Variants in RTL9 observed in about 807,000 individuals in gnomAD.
RTL9 encodes the protein retrotransposon Gag-like protein 9.
RTL9 carries 19 observed loss-of-function variants against 44.7 expected under a neutral mutation model. That is an observed-to-expected ratio of 0.42 (90% CI 0.30 to 0.62). RTL9 has a LOEUF of 0.62. Ranked by LOEUF, RTL9 falls within the 20% of genes least tolerant of loss-of-function variation. RTL9 has a pLI of 0.16. For missense variants in RTL9, 1,105 were observed against 1,080.6 expected (o/e 1.02, Z -0.32); for synonymous variants, 407 against 398.9 (o/e 1.02, Z -0.24).
chrX:110,450,981 G>C lies in RTL9; in HGVS notation c.364G>C (p.Asp122His), dbSNP rs980336219. The change falls in exon 1 of 2, where the codon GAT (aspartate) becomes CAT (histidine). Residue 122 changes from aspartate to histidine, a missense_variant. Coordinates refer to ENST00000540313, the Ensembl canonical transcript of RTL9. The stretch of plus-strand genomic sequence containing the variant: ...GTCCCCATTGCTAATGCCAGCCTTA[G>C]ATTCTGGAACATTGTCCCCATTGCT... The C allele has an allele frequency of 2.5e-6, 3 of 1,210,545 alleles. No homozygotes were observed. The East Asian group carries it at 8.9e-5, about 36-fold the overall frequency.
At chrX:110,362,095 T>C (rs140844215) in intron 1 of RTL9, among the ~76,000 whole-genome samples, 2,514 of 111,939 alleles carry the variant, frequency 0.022, 35 homozygotes, top group South Asian at 0.032. Flanking sequence ...TGATTTATTT[T>C]ACTGAATGAA....
intron 1 of RTL9, among the ~76,000 whole-genome samples, chrX:110,362,940 G>T (rs936072352): frequency 8.9e-6 from 1 of 111,743 alleles, no homozygotes; most frequent in Non-Finnish European, 1.9e-5. Flanking sequence ...ATAGATGAAG[G>T]AACTGAAGTA....
At chrX:110,370,230 C>CA (rs765854043) in intron 1 of RTL9, among the ~76,000 whole-genome samples, 2 of 111,578 alleles carry the variant, frequency 1.8e-5, no homozygotes, top group East Asian at 5.6e-4. Context: ...TTTTTAAAGA[C>CA]AGAGTATCAC....
exon 1 of RTL9, chrX:110,452,981 A>G (rs1403429434): frequency 5.8e-6 from 7 of 1,209,697 alleles, no homozygotes; most frequent in Non-Finnish European, 5.6e-6. Flanking sequence ...CAAGAGCTTC[A>G]TCCTCTGGAG....
At chrX:110,450,823 C>A in exon 1 of RTL9, 1 of 1,209,736 alleles carries the variant, frequency 8.3e-7, no homozygotes, top group Non-Finnish European at 1.1e-6. Context: ...ATGACATCTC[C>A]AGTCTTTGAC....
chrX:110,450,258 G>T (rs1300003639), upstream of RTL9, among the ~76,000 whole-genome samples: 1 of 111,474 alleles, frequency 9.0e-6, no homozygotes, highest in African/African-American at 3.3e-5. Flanking sequence ...CTCACATTTG[G>T]CCAGAAGGTG....
At chrX:110,375,581 A>G (rs1172593555) in intron 1 of RTL9, among the ~76,000 whole-genome samples, 1 of 111,986 alleles carries the variant, frequency 8.9e-6, no homozygotes, top group African/African-American at 3.3e-5. Flanking sequence ...TCAATCAATT[A>G]GAGCCTGCCC....
At chrX:110,396,769 C>T (rs1192000907) in intron 1 of RTL9, among the ~76,000 whole-genome samples, 1 of 112,127 alleles carries the variant, frequency 8.9e-6, no homozygotes, top group Non-Finnish European at 1.9e-5. Context: ...TCTATACAGC[C>T]CCAAATACAG....
At chrX:110,373,140 G>A (rs1471274788) in intron 1 of RTL9, among the ~76,000 whole-genome samples, 1 of 111,764 alleles carries the variant, frequency 8.9e-6, no homozygotes, top group Non-Finnish European at 1.9e-5. Context: ...AAACGTTTAA[G>A]TAACTTGCGC....
intron 1 of RTL9, among the ~76,000 whole-genome samples, chrX:110,388,962 G>A (rs769251704): frequency 1.8e-5 from 2 of 112,386 alleles, no homozygotes; most frequent in African/African-American, 3.2e-5. Flanking sequence ...ATCTTTTTAA[G>A]CAGTGTCCAA....
chrX:110,380,911 T>A (rs1427634567), intron 1 of RTL9, among the ~76,000 whole-genome samples: 2 of 112,373 alleles, frequency 1.8e-5, no homozygotes, highest in Non-Finnish European at 1.9e-5. Context: ...AAACTGGACC[T>A]CTGGCTATCA....
At chrX:110,387,378 A>T (rs1253952933) in intron 1 of RTL9, among the ~76,000 whole-genome samples, 1 of 112,187 alleles carries the variant, frequency 8.9e-6, no homozygotes, top group Non-Finnish European at 1.9e-5. Context: ...TAACTGGACA[A>T]ATTTCACATA....
chrX:110,365,431 G>A (rs7054756), intron 1 of RTL9, among the ~76,000 whole-genome samples: 8,226 of 111,830 alleles, frequency 0.074, 434 homozygotes, highest in African/African-American at 0.18. Flanking sequence ...TTCTTGTAGC[G>A]TGATCTATAT....
chrX:110,435,759 T>A (rs1459411267), intron 1 of RTL9, among the ~76,000 whole-genome samples: 1 of 112,227 alleles, frequency 8.9e-6, no homozygotes. Context: ...ACACTCATCA[T>A]CTCATTTATT....
chrX:110,363,459 G>A (rs6567857), intron 1 of RTL9, among the ~76,000 whole-genome samples: 7,663 of 111,619 alleles, frequency 0.069, 364 homozygotes, highest in African/African-American at 0.17. Context: ...ACCTCCCTAT[G>A]TGTCATTAAG....
intron 1 of RTL9, among the ~76,000 whole-genome samples, chrX:110,423,337 AAAAAG>A (rs372897012): frequency 1.3e-4 from 14 of 110,374 alleles, no homozygotes; most frequent in South Asian, 3.9e-4. Context: ...TCAAAAAAAA[AAAAAG>A]AAAAAGAAAA....
chrX:110,452,761 C>T (rs887198581), exon 1 of RTL9: 4 of 1,211,055 alleles, frequency 3.3e-6, no homozygotes, highest in Non-Finnish European at 4.5e-6. Context: ...GCCAAAGTGT[C>T]TGGAAAGATG....
At chrX:110,401,453 A>G (rs2068564016) in intron 1 of RTL9, among the ~76,000 whole-genome samples, 1 of 111,664 alleles carries the variant, frequency 9.0e-6, no homozygotes, top group East Asian at 2.8e-4. Context: ...GTGTTTTCTG[A>G]AGGTAAACTG....
At chrX:110,410,284 C>T (rs941908027) in intron 1 of RTL9, among the ~76,000 whole-genome samples, 1 of 111,716 alleles carries the variant, frequency 9.0e-6, no homozygotes, top group African/African-American at 3.3e-5. Flanking sequence ...AGCTGCTGCT[C>T]ACTCTGCCTA....
Sources: gnomAD v4.1 joint callset for allele counts (sites outside exome capture counted in the v4.1 genomes callset) on GRCh38, gnomAD v4.1.1 for gene constraint, MANE v1.5 for transcripts, NCBI Gene and HGNC (gene_info 2026-07-23, HGNC 2026-07-21) for gene names.